CADM2: variants seen among roughly 807,000 people sequenced by gnomAD.
The protein encoded by CADM2 is cell adhesion molecule 2.
A neutral mutation model predicts 49.8 loss-of-function variants in CADM2; 12 were observed. That is an observed-to-expected ratio of 0.24 (90% CI 0.15 to 0.39). CADM2 has a LOEUF of 0.39. Ranked by LOEUF, CADM2 falls within the 10% of genes least tolerant of loss-of-function variation. The pLI, the probability that CADM2 is intolerant of heterozygous loss-of-function variation, is 1.00. For missense variants in CADM2, 378 were observed against 492.3 expected (o/e 0.77, Z 2.20); for synonymous variants, 214 against 175.4 (o/e 1.22, Z -1.74).
chr3:85,869,075 T>A (rs2075823589), intron 3 of CADM2, among the ~76,000 whole-genome samples: 1 of 152,192 alleles, frequency 6.6e-6, no homozygotes, highest in South Asian at 2.1e-4. Context: ...TTAAGAATGA[T>A]ATCCCTTTTA....
At chr3:85,588,643 G>C (rs1470116250) in intron 1 of CADM2, among the ~76,000 whole-genome samples, 1 of 152,000 alleles carries the variant, frequency 6.6e-6, no homozygotes, top group Non-Finnish European at 1.5e-5. Context: ...GCTGTGTACT[G>C]ATTTTTTTAT....
At chr3:85,843,614 T>G (rs907058798) in intron 3 of CADM2, among the ~76,000 whole-genome samples, 5 of 152,118 alleles carry the variant, frequency 3.3e-5, no homozygotes, top group African/African-American at 4.8e-5. Flanking sequence ...AATATCTAAT[T>G]CAATATTCTC....
intron 3 of CADM2, among the ~76,000 whole-genome samples, chr3:85,839,107 T>C (rs2074528910): frequency 1.3e-5 from 2 of 151,782 alleles, no homozygotes; most frequent in South Asian, 4.1e-4. Context: ...GTCACAGCTA[T>C]TCTTCCCTGA....
At chr3:85,243,190 C>A (rs1433503855) in intron 1 of CADM2, among the ~76,000 whole-genome samples, 2 of 151,606 alleles carry the variant, frequency 1.3e-5, no homozygotes, top group South Asian at 2.1e-4. Context: ...CATATTATTT[C>A]TACTGTATTT....
intron 1 of CADM2, among the ~76,000 whole-genome samples, chr3:85,687,233 T>C (rs780642251): frequency 1.4e-4 from 22 of 152,230 alleles, no homozygotes; most frequent in Non-Finnish European, 3.1e-4. Flanking sequence ...CATCATTAAT[T>C]ATGTTTACTT....
chr3:85,935,682 C>A (rs773834006), intron 6 of CADM2, 85 bp from the exon 7 acceptor site: 2 of 593,892 alleles, frequency 3.4e-6, no homozygotes, highest in East Asian at 2.8e-5. Flanking sequence ...ATAAGAAATG[C>A]TGAACACACA....
At chr3:85,801,355 G>A (rs1043183616) in intron 2 of CADM2, among the ~76,000 whole-genome samples, 1 of 152,066 alleles carries the variant, frequency 6.6e-6, no homozygotes, top group Non-Finnish European at 1.5e-5. Context: ...AAAGAAATAT[G>A]TATTACTTGG....
Position 85,461,651 on chromosome 3 carries a change from C to T in CADM2, c.62-264871C>T, listed in dbSNP as rs1378607578. ...AATTCAAGTTCTTACTGCCTTTCAG[C>T]TGGGCTTTATGATAACCTTTCATTT... On this transcript the variant is annotated intron_variant, in intron 1 of 9. Coordinates refer to ENST00000383699, the MANE Select transcript of CADM2 (RefSeq NM_001167675.2). 4.8e-5 allele frequency among the ~76,000 whole-genome samples: 5 copies of T among 104,394 alleles called. No individual in the cohort carries two copies. The Admixed American group carries it at 5.3e-4, about 11-fold the overall frequency. 68.5% of individuals were successfully genotyped at this position (104,394 alleles called of 152,430 possible). A position where few individuals can be genotyped will look rare whatever the true frequency, so the allele number is the denominator to read the frequency against.
intron 1 of CADM2, among the ~76,000 whole-genome samples, chr3:85,372,887 C>T (rs1016661999): frequency 6.6e-6 from 1 of 152,102 alleles, no homozygotes; most frequent in Admixed American, 6.5e-5. Flanking sequence ...ATCATGAGAA[C>T]AGCATGGGAG....
At chr3:85,349,139 T>C (rs2031078556) in intron 1 of CADM2, among the ~76,000 whole-genome samples, 1 of 152,184 alleles carries the variant, frequency 6.6e-6, no homozygotes, top group African/African-American at 2.4e-5. Context: ...AAATGCCATC[T>C]TTTATCTCCT....
intron 1 of CADM2, among the ~76,000 whole-genome samples, chr3:85,516,882 T>G (rs1333542819): frequency 6.6e-6 from 1 of 152,062 alleles, no homozygotes; most frequent in Non-Finnish European, 1.5e-5. Context: ...TTAAATTTAT[T>G]TATTTAATAC....
chr3:85,476,688 A>G (rs2107618645), intron 1 of CADM2, among the ~76,000 whole-genome samples: 1 of 152,026 alleles, frequency 6.6e-6, no homozygotes, highest in East Asian at 1.9e-4. Flanking sequence ...TAGTTGCAAA[A>G]CAAAGAGTAA....
intron 1 of CADM2, among the ~76,000 whole-genome samples, chr3:85,635,561 G>GA (rs1215578074): frequency 6.6e-6 from 1 of 151,942 alleles, no homozygotes; most frequent in African/African-American, 2.4e-5. Flanking sequence ...ACAACTAAAA[G>GA]AAAAAATCTT....
chr3:85,543,821 C>A (rs1317035595), intron 1 of CADM2, among the ~76,000 whole-genome samples: 2 of 152,252 alleles, frequency 1.3e-5, no homozygotes, highest in East Asian at 1.9e-4. Flanking sequence ...CTTATGAGAG[C>A]AAAATCATCA....
At chr3:85,887,580 A>C (rs1445932593) in intron 5 of CADM2, among the ~76,000 whole-genome samples, 1 of 152,154 alleles carries the variant, frequency 6.6e-6, no homozygotes, top group Admixed American at 6.6e-5. Context: ...GTCCTTATCC[A>C]TAATTTTACC....
At chr3:85,606,648 G>A (rs1361499401) in intron 1 of CADM2, among the ~76,000 whole-genome samples, 1 of 152,116 alleles carries the variant, frequency 6.6e-6, no homozygotes, top group Admixed American at 6.6e-5. Flanking sequence ...TCAGAAGGGT[G>A]ATCAATGAAG....
At chr3:85,071,728 T>A (rs1424145236) in intron 1 of CADM2, among the ~76,000 whole-genome samples, 2 of 152,034 alleles carry the variant, frequency 1.3e-5, no homozygotes, top group African/African-American at 2.4e-5. Context: ...TAAAGGTAAA[T>A]AAGAACTGAG....
chr3:85,665,154 T>C (rs1419708426), intron 1 of CADM2, among the ~76,000 whole-genome samples: 1 of 151,970 alleles, frequency 6.6e-6, no homozygotes, highest in African/African-American at 2.4e-5. Flanking sequence ...GCATTTTCAA[T>C]TTGAAGCCTG....
intron 1 of CADM2, among the ~76,000 whole-genome samples, chr3:85,342,758 A>G (rs1415406772): frequency 1.3e-5 from 2 of 152,190 alleles, no homozygotes; most frequent in East Asian, 3.8e-4. Context: ...AAGAAGAAAG[A>G]GTAGTTATGG....
Sources: allele counts gnomAD v4.1 joint callset (sites outside exome capture counted in the v4.1 genomes callset), GRCh38; gene constraint gnomAD v4.1.1; transcripts MANE v1.5; gene names NCBI Gene and HGNC (gene_info 2026-07-23, HGNC 2026-07-21).